Variants in ARHGEF33 observed in about 807,000 individuals in gnomAD.
ARHGEF33 encodes Rho guanine nucleotide exchange factor 33.
In ARHGEF33, 72 loss-of-function variants were observed where a neutral mutation model predicts 101.9. The observed-to-expected ratio is 0.71, with a 90% CI of 0.58 to 0.86. The LOEUF (loss-of-function observed/expected upper bound fraction) is 0.86. ARHGEF33 is among the 40% of genes least tolerant of loss of function. The pLI is 0.00. For missense variants in ARHGEF33, 1,169 were observed against 1,111.3 expected (o/e 1.05, Z -0.74); for synonymous variants, 499 against 442.5 (o/e 1.13, Z -1.60).
At chr2:38,925,638 T>G (rs976936089) in intron 4 of ARHGEF33, among the ~76,000 whole-genome samples, 1 of 152,218 alleles carries the variant, frequency 6.6e-6, no homozygotes, top group African/African-American at 2.4e-5. Context: ...AAGATGGAAG[T>G]TGGCAGAAAA....
At chr2:38,912,213 G>T (rs1180973659) in intron 2 of ARHGEF33, among the ~76,000 whole-genome samples, 3 of 152,202 alleles carry the variant, frequency 2.0e-5, no homozygotes, top group African/African-American at 7.2e-5. Context: ...GGTCAGGGAG[G>T]AATAGGAGCC....
intron 1 of ARHGEF33, among the ~76,000 whole-genome samples, chr2:38,893,507 G>A (rs1387895549): frequency 1.3e-5 from 2 of 152,132 alleles, no homozygotes; most frequent in Non-Finnish European, 2.9e-5. Context: ...TGCAAAGCCT[G>A]GCTCAAATCC....
At chr2:38,949,334 C>T (rs1402134680) in intron 10 of ARHGEF33, among the ~76,000 whole-genome samples, 6 of 152,144 alleles carry the variant, frequency 3.9e-5, no homozygotes, top group Non-Finnish European at 8.8e-5. Flanking sequence ...CATAAAGGAA[C>T]CTACCTTAAG....
At chr2:38,945,305 C>A (rs991481047) in intron 10 of ARHGEF33, among the ~76,000 whole-genome samples, 2 of 152,190 alleles carry the variant, frequency 1.3e-5, no homozygotes, top group Admixed American at 1.3e-4. Context: ...TCAAAACACA[C>A]GCTGCCCTCC....
chr2:38,909,549 G>C (rs1666464864), intron 2 of ARHGEF33, among the ~76,000 whole-genome samples: 2 of 148,116 alleles, frequency 1.4e-5, no homozygotes, highest in Admixed American at 1.4e-4. Flanking sequence ...ATGTTGCCCA[G>C]GCTGGTCTCA....
At chr2:38,927,482 G>T (rs1009313181) in intron 4 of ARHGEF33, among the ~76,000 whole-genome samples, 2 of 152,190 alleles carry the variant, frequency 1.3e-5, no homozygotes, top group African/African-American at 4.8e-5. Flanking sequence ...GATCACCTGA[G>T]TTCAGGAGAT....
chr2:38,962,810 C>G (rs1667974074), intron 16 of ARHGEF33, among the ~76,000 whole-genome samples: 1 of 111,834 alleles, frequency 8.9e-6, no homozygotes, highest in Non-Finnish European at 1.7e-5. Flanking sequence ...GTCAGGAGAT[C>G]AAGACCATCC....
intron 13 of ARHGEF33, among the ~76,000 whole-genome samples, chr2:38,955,118 A>C (rs1667706793): frequency 6.6e-6 from 1 of 152,144 alleles, no homozygotes; most frequent in Non-Finnish European, 1.5e-5. Context: ...CCACCACCTG[A>C]CATCTAAATA....
Position 38,921,436 on chromosome 2 carries a change from C to T in ARHGEF33, c.75+13C>T, listed in dbSNP as rs1387305771. On this transcript the variant is annotated intron_variant, in intron 4 of 17. Coordinates refer to ENST00000409978, the MANE Select transcript of ARHGEF33 (RefSeq NM_001145451.5). ...GCAGATTTACCAGGTAAAGACAAAT[C>T]GATTGTTTCAAATGCTCCCATGTAT... The T allele has an allele frequency of 5.3e-6, 8 of 1,518,426 alleles. No homozygotes were observed. Among genetic ancestry groups the T allele is most frequent in the African/African-American group, 2.8e-5 (2 of 72,380 alleles). 94.1% of individuals were successfully genotyped at this position (1,518,426 alleles called of 1,614,324 possible). A position where few individuals can be genotyped will look rare whatever the true frequency, so the allele number is the denominator to read the frequency against.
chr2:38,956,830 G>A, intron 13 of ARHGEF33, 69 bp from the exon 14 acceptor site: 1 of 1,493,070 alleles, frequency 6.7e-7, no homozygotes. Flanking sequence ...ATCAAGGTGA[G>A]GTGCAGAAGA....
rs748583221 is a variant in ARHGEF33, at chr2:38,956,988, C to T, written c.1311C>T (p.Tyr437=). 1.3e-4 allele frequency: 205 copies of T among 1,552,196 alleles called. 1 individual carries two copies. The South Asian group carries it at 1.7e-3, about 13-fold the overall frequency. ...GCCTCCGAGTATTTATCTCACACTA[C>T]ACCCTGCTGTTTCAATGCAATGAAG... ...VQRLRVFISH[Y]TLLFQCNEDL... Residue 437 remains tyrosine, a synonymous_variant, in exon 14 of 18, where the codon TAC becomes TAT. Coordinates refer to ENST00000409978, the MANE Select transcript of ARHGEF33 (RefSeq NM_001145451.5).
intron 2 of ARHGEF33, among the ~76,000 whole-genome samples, chr2:38,901,879 G>T (rs1317348902): frequency 6.6e-6 from 1 of 152,194 alleles, no homozygotes; most frequent in Non-Finnish European, 1.5e-5. Context: ...ACTTTGGGAG[G>T]CTGAGACGGG....
At chr2:38,959,751 G>A (rs1328672380) in intron 15 of ARHGEF33, 90 bp from the exon 16 acceptor site, 1 of 1,376,954 alleles carries the variant, frequency 7.3e-7, no homozygotes, top group South Asian at 1.6e-5. Context: ...AGGCGCCTCG[G>A]AGCGCGGCCC....
intron 9 of ARHGEF33, among the ~76,000 whole-genome samples, chr2:38,941,893 C>T (rs993269596): frequency 4.1e-4 from 63 of 151,960 alleles, no homozygotes; most frequent in African/African-American, 1.2e-3. Context: ...TGTTTTTATT[C>T]GTGGTGTGCT....
chr2:38,906,822 A>G (rs1370268872), intron 2 of ARHGEF33, among the ~76,000 whole-genome samples: 1 of 151,516 alleles, frequency 6.6e-6, no homozygotes, highest in African/African-American at 2.4e-5. Context: ...AAAAAAAAAA[A>G]AAAGGTCTGG....
intron 10 of ARHGEF33, 44 bp from the exon 11 acceptor site, chr2:38,950,940 TTCTTC>T (rs1667584548): frequency 1.3e-6 from 2 of 1,532,190 alleles, no homozygotes; most frequent in African/African-American, 2.8e-5. Flanking sequence ...GTAGGGTCCT[TTCTTC>T]TCTACACCTT....
At chr2:38,930,632 CACAGTGCTCA>C (rs1156585602) in intron 6 of ARHGEF33, among the ~76,000 whole-genome samples, 3 of 152,186 alleles carry the variant, frequency 2.0e-5, no homozygotes, top group Non-Finnish European at 4.4e-5. Context: ...AGGCATGAGC[CACAGTGCTCA>C]ACTTACTTAT....
At chr2:38,945,538 T>G (rs574655500) in intron 10 of ARHGEF33, among the ~76,000 whole-genome samples, 26 of 152,300 alleles carry the variant, frequency 1.7e-4, no homozygotes, top group Admixed American at 4.6e-4. Context: ...CCCTTCCAGT[T>G]CCCCCTCCTT....
In ARHGEF33 at chr2:38,973,950, C is replaced by T; in HGVS notation, c.*107C>T. The T allele has an allele frequency of 6.1e-6, 4 of 652,554 alleles. No individual in the cohort carries two copies. The highest frequency in any genetic ancestry group is 8.0e-6 in the Non-Finnish European group (4 of 497,992). 40.4% of individuals were successfully genotyped at this position (652,554 alleles called of 1,614,324 possible). A position where few individuals can be genotyped will look rare whatever the true frequency, so the allele number is the denominator to read the frequency against. ...TCTATATCTATATATATATATATAT[C>T]GATGTATAAATCCCTGAGGAAAACT... On this transcript the variant is annotated 3_prime_UTR_variant, in exon 18 of 18. Coordinates refer to ENST00000409978, the MANE Select transcript of ARHGEF33 (RefSeq NM_001145451.5).
Sources: gnomAD v4.1 joint callset for allele counts (sites outside exome capture counted in the v4.1 genomes callset) on GRCh38, gnomAD v4.1.1 for gene constraint, MANE v1.5 for transcripts, NCBI Gene and HGNC (gene_info 2026-07-23, HGNC 2026-07-21) for gene names.